The following INSC variants were observed in gnomAD, a reference collection of about 807,000 sequenced individuals.
INSC encodes INSC spindle orientation adaptor protein, also known as protein inscuteable homolog.
A neutral mutation model predicts 58.6 loss-of-function variants in INSC; 67 were observed. That is an observed-to-expected ratio of 1.14 (90% CI 0.94 to 1.40). The LOEUF is 1.40. INSC is among the 40% of genes most tolerant of loss of function. The probability of loss-of-function intolerance (pLI) is 0.00; values close to 1 mark genes in which losing one functional copy is unlikely to be tolerated. For missense variants in INSC, 714 were observed against 692.0 expected (o/e 1.03, Z -0.36); for synonymous variants, 262 against 276.1 (o/e 0.95, Z 0.51).
At chr11:15,112,362 C>A, upstream of INSC, 3 of 923,486 alleles carry the variant, frequency 3.2e-6, no homozygotes, top group Non-Finnish European at 4.9e-6. Context: ...TGCCTTGAGT[C>A]ACAGGCCTTC....
At chr11:15,219,297 G>C (rs1293674203) in intron 7 of INSC, among the ~76,000 whole-genome samples, 1 of 152,114 alleles carries the variant, frequency 6.6e-6, no homozygotes, top group Non-Finnish European at 1.5e-5. Context: ...AAAGGTACTT[G>C]GGCATGGGAG....
chr11:15,237,748 C>T (rs540649380), intron 10 of INSC, among the ~76,000 whole-genome samples: 114 of 152,172 alleles, frequency 7.5e-4, no homozygotes, highest in African/African-American at 2.5e-3. Flanking sequence ...ATGGACGAGG[C>T]GAGCTCACCA....
At chr11:15,190,925 C>T (rs112214527) in intron 6 of INSC, 111 bp downstream of exon 6, 20 of 700,382 alleles carry the variant, frequency 2.9e-5, no homozygotes, top group African/African-American at 1.2e-4. Flanking sequence ...CCTGCATTAG[C>T]TGCTGAGTCT....
chr11:15,188,386 G>A (rs756138784), intron 5 of INSC: 14 of 984,870 alleles, frequency 1.4e-5, no homozygotes, highest in Non-Finnish European at 1.7e-5. Context: ...TTCAAAAATG[G>A]GATGTCAAAT....
chr11:15,161,692 G>A (rs1299711867), intron 2 of INSC, among the ~76,000 whole-genome samples: 6 of 152,220 alleles, frequency 3.9e-5, no homozygotes, highest in Non-Finnish European at 7.3e-5. Context: ...TGAACTTGGA[G>A]TGCTTAGGGG....
intron 9 of INSC, among the ~76,000 whole-genome samples, chr11:15,229,993 A>T (rs1465939787): frequency 3.5e-5 from 1 of 28,456 alleles, no homozygotes; most frequent in African/African-American, 1.5e-4. Flanking sequence ...ATATATATAT[A>T]TATATATATA....
At chr11:15,113,107 T>TTTC (rs1847606471), upstream of INSC, among the ~76,000 whole-genome samples, 1 of 140,444 alleles carries the variant, frequency 7.1e-6, no homozygotes. Flanking sequence ...TCTTTCTTTC[T>TTTC]TTTCTCTCTC....
chr11:15,124,484 G>C (rs925164696), intron 1 of INSC, among the ~76,000 whole-genome samples: 2 of 152,180 alleles, frequency 1.3e-5, no homozygotes, highest in African/African-American at 4.8e-5. Flanking sequence ...TGGCCTTAAG[G>C]GGAAATAGGA....
Position 15,225,828 on chromosome 11 carries a change from G to GGT in INSC, c.1170+1_1170+2dup, listed in dbSNP as rs752388212. 4 of 1,611,178 alleles carry GGT rather than the reference G, an allele frequency of 2.5e-6. No homozygotes were observed. The South Asian group carries it at 4.4e-5, about 18-fold the overall frequency. The stretch of plus-strand genomic sequence containing the variant: ...TGGACACGCCTTACACTCGGGACCA[G>GGT]GTAAGACGCCCAGAAGGCACTGAGC... On this transcript the variant is annotated frameshift_variant and splice_region_variant. Coordinates refer to ENST00000379556, the MANE Select transcript of INSC (RefSeq NM_001042536.3). LOFTEE classifies it high-confidence loss of function.
At chr11:15,163,716 C>A (rs1019956931) in intron 2 of INSC, among the ~76,000 whole-genome samples, 3 of 152,200 alleles carry the variant, frequency 2.0e-5, no homozygotes, top group African/African-American at 7.2e-5. Context: ...GCCTCAGCTT[C>A]CTGAGTAGCT....
chr11:15,175,632 A>G, intron 2 of INSC, 109 bp from the exon 3 acceptor site: 1 of 695,334 alleles, frequency 1.4e-6, no homozygotes, highest in South Asian at 3.4e-5. Context: ...TGGGAGAAAC[A>G]CTGCTAAACA....
At chr11:15,220,033 T>C (rs948529754) in intron 7 of INSC, among the ~76,000 whole-genome samples, 1 of 152,206 alleles carries the variant, frequency 6.6e-6, no homozygotes, top group African/African-American at 2.4e-5. Context: ...TTCCCTGGGC[T>C]CCTGTTTCCA....
intron 1 of INSC, among the ~76,000 whole-genome samples, chr11:15,122,583 T>C (rs759066847): frequency 4.6e-5 from 7 of 152,220 alleles, no homozygotes; most frequent in Non-Finnish European, 1.0e-4. Flanking sequence ...GACTCCTTCG[T>C]CTGGGTAGCT....
intron 2 of INSC, among the ~76,000 whole-genome samples, chr11:15,155,837 A>G (rs1032521998): frequency 6.6e-6 from 1 of 152,240 alleles, no homozygotes; most frequent in African/African-American, 2.4e-5. Flanking sequence ...AGTTTTGGGG[A>G]CACTGGACAC....
intron 4 of INSC, among the ~76,000 whole-genome samples, chr11:15,177,455 C>G (rs954917262): frequency 6.6e-6 from 1 of 151,982 alleles, no homozygotes; most frequent in African/African-American, 2.4e-5. Context: ...TTGGGAAGAC[C>G]CACAGATCCC....
At chr11:15,223,253 G>A (rs1851512619) in intron 8 of INSC, among the ~76,000 whole-genome samples, 1 of 152,210 alleles carries the variant, frequency 6.6e-6, no homozygotes. Flanking sequence ...AGTACATGTA[G>A]TCCAAGTGAC....
chr11:15,241,960 C>T (rs1852371654), intron 12 of INSC, among the ~76,000 whole-genome samples: 2 of 152,144 alleles, frequency 1.3e-5, no homozygotes, highest in Admixed American at 1.3e-4. Flanking sequence ...ACTGGGAAAT[C>T]ACAAATCACA....
At chr11:15,113,395 G>T (rs1455494741), upstream of INSC, among the ~76,000 whole-genome samples, 2 of 152,094 alleles carry the variant, frequency 1.3e-5, no homozygotes, top group African/African-American at 4.8e-5. Flanking sequence ...TCCGGACTTT[G>T]TGATCTATCC....
At chr11:15,262,587 G>A in the INSC span, among the ~76,000 whole-genome samples, 1 of 151,616 alleles carries the variant, frequency 6.6e-6, no homozygotes, top group African/African-American at 2.4e-5. Context: ...AATAGAGAGA[G>A]GGGAATTTGT....
Sources: allele counts gnomAD v4.1 joint callset (sites outside exome capture counted in the v4.1 genomes callset), GRCh38; gene constraint gnomAD v4.1.1; transcripts MANE v1.5; gene names NCBI Gene and HGNC (gene_info 2026-07-23, HGNC 2026-07-21).